EPB41L4B: variants seen among roughly 807,000 people sequenced by gnomAD.
EPB41L4B encodes the protein erythrocyte membrane protein band 4.1 like 4B.
A neutral mutation model predicts 112.5 loss-of-function variants in EPB41L4B; 30 were observed. The observed-to-expected ratio is 0.27, with a 90% CI of 0.20 to 0.36. The LOEUF is 0.36. EPB41L4B is among the 10% of genes least tolerant of loss of function. EPB41L4B has a pLI of 1.00. For missense variants in EPB41L4B, 1,024 were observed against 1,133.3 expected (o/e 0.90, Z 1.38); for synonymous variants, 408 against 439.7 (o/e 0.93, Z 0.90).
chr9:109,279,749 C>T, intron 2 of EPB41L4B, 68 bp downstream of exon 2: 1 of 1,313,330 alleles, frequency 7.6e-7, no homozygotes, highest in Non-Finnish European at 1.1e-6. Context: ...CCATTTCTAG[C>T]AACTGTGGAC....
chr9:109,203,839 A>C (rs1832910871), intron 18 of EPB41L4B, 109 bp from the exon 19 acceptor site: 1 of 837,984 alleles, frequency 1.2e-6, no homozygotes, highest in South Asian at 1.5e-5. Flanking sequence ...AGTGGACCAA[A>C]GAGGTAGTTC....
At chr9:109,203,565 C>A (rs1393791404) in intron 19 of EPB41L4B, 98 bp downstream of exon 19, 6 of 1,002,878 alleles carry the variant, frequency 6.0e-6, no homozygotes, top group Non-Finnish European at 9.2e-6. Flanking sequence ...TATTTGTCCT[C>A]TGATTTTATC....
intron 1 of EPB41L4B, among the ~76,000 whole-genome samples, chr9:109,319,358 C>T (rs1837753127): frequency 6.6e-6 from 1 of 152,142 alleles, no homozygotes; most frequent in African/African-American, 2.4e-5. Flanking sequence ...CCCCGCCGAC[C>T]CCACGCACGG....
intron 20 of EPB41L4B, among the ~76,000 whole-genome samples, chr9:109,198,467 A>T (rs1832717584): frequency 6.6e-6 from 1 of 152,186 alleles, no homozygotes; most frequent in African/African-American, 2.4e-5. Flanking sequence ...AAGAGCTTAC[A>T]GCTGTAAACT....
chr9:109,269,690 G>A (rs796733285), intron 2 of EPB41L4B, among the ~76,000 whole-genome samples: 99 of 152,328 alleles, frequency 6.5e-4, no homozygotes, highest in African/African-American at 2.4e-3. Context: ...CCTAATGCAT[G>A]CTGGAACTTC....
In EPB41L4B at chr9:109,201,437, G is replaced by A. The variant is rs1417686844; in HGVS notation, c.1947-1103C>T. Among the ~76,000 whole-genome samples, 3 of 116,190 alleles carry A rather than the reference G, an allele frequency of 2.6e-5. No individual in the cohort carries two copies. In the East Asian group the frequency reaches 7.3e-4, roughly 28 times the overall value. The allele number at this position is 116,190 out of a possible 152,430, so 76.2% of individuals were successfully genotyped here. A position where few individuals can be genotyped will look rare whatever the true frequency, so the allele number is the denominator to read the frequency against. On this transcript the variant is annotated intron_variant, in intron 19 of 25. Transcript: ENST00000374566. Reference sequence around the variant, plus strand: ...TCCACTGCAGCCTGGGTGCTGGAGTGAGACCCTGTCTCAAAAAAAAAAAAA... The same window carrying A: ...TCCACTGCAGCCTGGGTGCTGGAGTAAGACCCTGTCTCAAAAAAAAAAAAA...
At chr9:109,267,445 C>T (rs373511082) in intron 4 of EPB41L4B, 28 bp downstream of exon 4, 46 of 1,511,378 alleles carry the variant, frequency 3.0e-5, no homozygotes, top group Non-Finnish European at 3.9e-5. Flanking sequence ...CCCTGCTGGG[C>T]GGGAGCTTGT....
At chr9:109,218,822 C>T (rs1319980110) in intron 15 of EPB41L4B, among the ~76,000 whole-genome samples, 1 of 152,144 alleles carries the variant, frequency 6.6e-6, no homozygotes, top group Admixed American at 6.6e-5. Context: ...ATAAAGATCC[C>T]TTCCTCTTAT....
intron 12 of EPB41L4B, among the ~76,000 whole-genome samples, chr9:109,252,897 C>T (rs1834846934): frequency 6.6e-6 from 1 of 152,034 alleles, no homozygotes; most frequent in African/African-American, 2.4e-5. Context: ...GAGGCCCCAG[C>T]TGTAACTGAT....
chr9:109,235,216 C>T (rs1218516886), intron 15 of EPB41L4B, among the ~76,000 whole-genome samples: 1 of 152,048 alleles, frequency 6.6e-6, no homozygotes, highest in Admixed American at 6.6e-5. Flanking sequence ...TCAAAAGATC[C>T]CCATGGTGTT....
Position 109,172,108 on chromosome 9 carries a change from T to C in EPB41L4B, c.*2446A>G, listed in dbSNP as rs1831651774. 6.6e-6 allele frequency: 1 copy of C among 152,130 alleles called. No homozygotes were observed. The highest frequency in any genetic ancestry group is 2.4e-5 in the African/African-American group (1 of 41,402). The allele number at this position is 152,130 out of a possible 1,614,324, so 9.4% of individuals were successfully genotyped here. On this transcript the variant is annotated 3_prime_UTR_variant, in exon 26 of 26. Coordinates refer to ENST00000374566, the MANE Select transcript of EPB41L4B (RefSeq NM_019114.5). ...CAACCTTCAGAAACTTCAACATCTGTGAACTCTGGGGGAAGCGGGGAAGAA... is the reference window on the plus strand; with the variant it reads ...CAACCTTCAGAAACTTCAACATCTGCGAACTCTGGGGGAAGCGGGGAAGAA...
intron 1 of EPB41L4B, among the ~76,000 whole-genome samples, chr9:109,307,032 T>TC (rs1032632196): frequency 6.6e-6 from 1 of 151,442 alleles, no homozygotes; most frequent in Non-Finnish European, 1.5e-5. Flanking sequence ...TTTTTTTTTT[T>TC]TTCTTCAAGA....
intron 1 of EPB41L4B, among the ~76,000 whole-genome samples, chr9:109,314,247 T>C (rs907622186): frequency 1.3e-5 from 2 of 152,180 alleles, no homozygotes; most frequent in African/African-American, 2.4e-5. Context: ...GGACAAATGG[T>C]AGGCGGAGGA....
At chr9:109,279,997 A>C (rs1835975533) in intron 1 of EPB41L4B, 76 bp from the exon 2 acceptor site, 4 of 1,131,718 alleles carry the variant, frequency 3.5e-6, no homozygotes, top group Admixed American at 5.0e-5. Flanking sequence ...AAAAAAACCT[A>C]CTTCTCTTTG....
chr9:109,279,760 G>A lies in EPB41L4B; in HGVS notation c.411+57C>T, dbSNP rs1263126677. Reference sequence around the variant, plus strand: ...CTACCCATTTCTAGCAACTGTGGACGTGCAATTAGCAATGAAAAGCCAATC... The same window carrying A: ...CTACCCATTTCTAGCAACTGTGGACATGCAATTAGCAATGAAAAGCCAATC... On this transcript the variant is annotated intron_variant, in intron 2 of 25. Coordinates refer to ENST00000374566, the MANE Select transcript of EPB41L4B (RefSeq NM_019114.5). 4.7e-5 allele frequency: 65 copies of A among 1,391,476 alleles called. No homozygotes were observed. The Middle Eastern group carries it at 1.1e-3, about 23-fold the overall frequency. The allele number at this position is 1,391,476 out of a possible 1,614,324, so 86.2% of individuals were successfully genotyped here.
chr9:109,238,353 C>T (rs1834225033), intron 15 of EPB41L4B, among the ~76,000 whole-genome samples: 1 of 152,184 alleles, frequency 6.6e-6, no homozygotes, highest in Non-Finnish European at 1.5e-5. Context: ...ATCTAGAAGT[C>T]ACATGGTGGT....
chr9:109,251,565 C>CA, intron 12 of EPB41L4B, 54 bp from the exon 13 acceptor site: 2 of 1,532,942 alleles, frequency 1.3e-6, no homozygotes, highest in Non-Finnish European at 1.8e-6. Context: ...ATCGCTTTCA[C>CA]CATGCAATGA....
chr9:109,192,379 T>G (rs1235687726), intron 21 of EPB41L4B, 24 bp from the exon 22 acceptor site: 2 of 1,570,932 alleles, frequency 1.3e-6, no homozygotes, highest in African/African-American at 2.7e-5. Flanking sequence ...CAAACACCCC[T>G]GGTTAGAGAC....
chr9:109,312,806 C>T (rs796228593), intron 1 of EPB41L4B, among the ~76,000 whole-genome samples: 127 of 152,294 alleles, frequency 8.3e-4, no homozygotes, highest in African/African-American at 3.0e-3. Flanking sequence ...AATCCCCTAC[C>T]CCAAGGAACC....
Sources: allele counts gnomAD v4.1 joint callset (sites outside exome capture counted in the v4.1 genomes callset), GRCh38; gene constraint gnomAD v4.1.1; transcripts MANE v1.5; gene names NCBI Gene and HGNC (gene_info 2026-07-23, HGNC 2026-07-21).